TRIM33: variants seen among roughly 807,000 people sequenced by gnomAD.
TRIM33 encodes tripartite motif containing 33.
A neutral mutation model predicts 125.4 loss-of-function variants in TRIM33; 20 were observed. The observed-to-expected ratio is 0.16, with a 90% CI of 0.11 to 0.23. TRIM33 has a LOEUF of 0.23. TRIM33 is among the 10% of genes least tolerant of loss of function. The probability of loss-of-function intolerance (pLI) is 1.00; values close to 1 mark genes in which losing one functional copy is unlikely to be tolerated. For missense variants in TRIM33, 920 were observed against 1,411.4 expected, an observed-to-expected ratio of 0.65 and a Z score of 5.58; for synonymous variants, 564 against 513.9, an observed-to-expected ratio of 1.10 and a Z score of -1.32.
Position 114,510,628 on chromosome 1 carries a change from CAGA to C in TRIM33, c.446_448del (p.Phe149del). 3 of 1,565,630 alleles carry C rather than the reference CAGA, an allele frequency of 1.9e-6. No individual in the cohort carries two copies. The highest frequency in any genetic ancestry group is 1.4e-5 in the African/African-American group (1 of 73,838). On this transcript the variant is annotated inframe_deletion, in exon 1 of 20. Transcript: ENST00000358465. ...CTCCGGCTCGGGCAGGCAGCGCAGG[CAGA>C]AGGAGTGAAGACAGGGCAGCAGCTT...
At chr1:114,457,846 T>C (rs902381213) in intron 4 of TRIM33, among the ~76,000 whole-genome samples, 12 of 152,220 alleles carry the variant, frequency 7.9e-5, no homozygotes, top group African/African-American at 2.9e-4. Flanking sequence ...TTCCCCTATG[T>C]TTGGGTTTTC....
chr1:114,420,264 TC>T, intron 11 of TRIM33: 1 of 484,268 alleles, frequency 2.1e-6, no homozygotes. Flanking sequence ...CTCCATCATT[TC>T]CCCCTCTCAG....
At chr1:114,483,797 A>G (rs923485464) in intron 1 of TRIM33, among the ~76,000 whole-genome samples, 4 of 152,038 alleles carry the variant, frequency 2.6e-5, no homozygotes, top group East Asian at 3.8e-4. Flanking sequence ...AAGAAAAAAC[A>G]TATTTCAAGA....
chr1:114,425,508 T>C lies in TRIM33; in HGVS notation c.1636A>G (p.Thr546Ala), dbSNP rs903112322. 1.2e-6 allele frequency: 2 copies of C among 1,614,190 alleles called. No individual in the cohort carries two copies. The highest frequency in any genetic ancestry group is 1.3e-5 in the African/African-American group (1 of 75,060). The change falls in exon 9 of 20, where the codon ACA becomes GCA. Residue 546 changes from threonine (T) to alanine (A), a missense_variant. This residue lies in a region of TRIM33 where 407 missense variants were observed against 589.7 expected (regional missense o/e 0.69). Coordinates refer to ENST00000358465, the MANE Select transcript of TRIM33 (RefSeq NM_015906.4). ...GGATGCTGTTGTGTTGTTGTTGTTG[T>C]AGTTGGTACAGGTGCTGGTGGTTGC... The part of the protein sequence containing the change: ...MQQPPAPVPT[T>A]TTTTQQHPRQ...
intron 4 of TRIM33, among the ~76,000 whole-genome samples, chr1:114,436,184 C>T (rs959637599): frequency 7.3e-5 from 11 of 151,520 alleles, no homozygotes; most frequent in African/African-American, 1.7e-4. Context: ...AGGTGGATAA[C>T]GAGGTCAGGA....
rs1652380289 is a variant in TRIM33, at chr1:114,496,635, A to G, written c.526+13916T>C. Among the ~76,000 whole-genome samples the G allele has an allele frequency of 3.3e-5, 5 of 152,352 alleles. No homozygotes were observed. The South Asian group carries it at 1.0e-3, about 32-fold the overall frequency. Reference sequence around the variant, plus strand: ...TTTTTATCTACAAATTCAAAATATAATAATTGAGTAATTTTTTTTGTAATA... The same window carrying G: ...TTTTTATCTACAAATTCAAAATATAGTAATTGAGTAATTTTTTTTGTAATA... On this transcript the variant is annotated intron_variant, in intron 1 of 19. Coordinates refer to ENST00000358465, the MANE Select transcript of TRIM33 (RefSeq NM_015906.4).
chr1:114,506,673 T>C (rs1367536991), intron 1 of TRIM33, among the ~76,000 whole-genome samples: 1 of 152,154 alleles, frequency 6.6e-6, no homozygotes, highest in Non-Finnish European at 1.5e-5. Flanking sequence ...AATGTATATA[T>C]ACCCACTACT....
intron 4 of TRIM33, among the ~76,000 whole-genome samples, chr1:114,441,277 C>A: frequency 6.6e-6 from 1 of 152,308 alleles, no homozygotes; most frequent in East Asian, 1.9e-4. Context: ...GCCTTGGTGA[C>A]AGAGTGAGAC....
chr1:114,468,254 C>G (rs1338308190), intron 1 of TRIM33: 2 of 234,942 alleles, frequency 8.5e-6, no homozygotes, highest in Non-Finnish European at 1.7e-5. Flanking sequence ...AGCGCTGCTG[C>G]TGGGGGCTAG....
Position 114,393,729 on chromosome 1 carries a change from ATT to A in TRIM33, c.*3917_*3918del, listed in dbSNP as rs1335889804. 4.7e-6 allele frequency: 1 copy of A among 211,628 alleles called. No homozygotes were observed. Among genetic ancestry groups the A allele is most frequent in the South Asian group, 1.9e-4 (1 of 5,324 alleles). 13.1% of individuals were successfully genotyped at this position (211,628 alleles called of 1,614,324 possible). ...TGTCTATGTAAACTGTGGCATATAAATTTTTTTCCTTAAAAAAGTACCTTCAA... is the reference window on the plus strand; with the variant it reads ...TGTCTATGTAAACTGTGGCATATAAATTTTTCCTTAAAAAAGTACCTTCAA... On this transcript the variant is annotated 3_prime_UTR_variant, in exon 20 of 20. Coordinates refer to ENST00000358465, the MANE Select transcript of TRIM33 (RefSeq NM_015906.4).
chr1:114,397,589 G>GTTTTTTTTTTTTTTTTTTTGTTT lies in TRIM33; in HGVS notation c.*58_*59insAAACAAAAAAAAAAAAAAAAAAA, dbSNP rs66490349. 6.2e-6 allele frequency: 4 copies of GTTTTTTTTTTTTTTTTTTTGTTT among 640,652 alleles called. No individual in the cohort carries two copies. Among genetic ancestry groups the GTTTTTTTTTTTTTTTTTTTGTTT allele is most frequent in the Admixed American group, 6.8e-5 (2 of 29,518 alleles). 39.7% of individuals were successfully genotyped at this position (640,652 alleles called of 1,614,324 possible). On this transcript the variant is annotated 3_prime_UTR_variant, in exon 20 of 20. Coordinates refer to ENST00000358465, the MANE Select transcript of TRIM33 (RefSeq NM_015906.4). ...CTTAAAAGTTTTCTGGGTTTTTTGT[G>GTTTTTTTTTTTTTTTTTTTGTTT]TTTTTTTTTTTTTTTTCGTTTTTTT...
intron 4 of TRIM33, among the ~76,000 whole-genome samples, chr1:114,444,253 A>G (rs1648838929): frequency 6.6e-6 from 1 of 152,174 alleles, no homozygotes. Context: ...AAGAGAAGAT[A>G]TTGAATATGT....
At chr1:114,441,439 G>T (rs139864880) in intron 4 of TRIM33, among the ~76,000 whole-genome samples, 2 of 152,288 alleles carry the variant, frequency 1.3e-5, no homozygotes, top group East Asian at 3.9e-4. Context: ...TAATTAAGGA[G>T]AAAACAAAAA....
intron 11 of TRIM33, among the ~76,000 whole-genome samples, chr1:114,413,230 TA>T (rs1249732190): frequency 1.3e-5 from 2 of 152,054 alleles, no homozygotes; most frequent in Non-Finnish European, 1.5e-5. Context: ...CCATATGGAT[TA>T]AAACACAAGA....
At chr1:114,429,536 A>C (rs1332419484) in intron 6 of TRIM33, among the ~76,000 whole-genome samples, 2 of 151,970 alleles carry the variant, frequency 1.3e-5, no homozygotes, top group Non-Finnish European at 2.9e-5. Flanking sequence ...GGAAAGATGT[A>C]TTCCATTCAG....
At chr1:114,468,186 G>A (rs1008594543) in intron 1 of TRIM33, 2 of 169,458 alleles carry the variant, frequency 1.2e-5, no homozygotes, top group Non-Finnish European at 2.5e-5. Flanking sequence ...CCCACCCTAT[G>A]TGCACACATT....
rs972295609 is a variant in TRIM33, at chr1:114,510,959, C to G, written c.118G>C (p.Ala40Pro). The G allele has an allele frequency of 1.4e-6, 2 of 1,385,832 alleles. No homozygotes were observed. The highest frequency in any genetic ancestry group is 3.0e-5 in the African/African-American group (2 of 66,156). 85.8% of individuals were successfully genotyped at this position (1,385,832 alleles called of 1,614,324 possible). ...AAQEAEPPLT[A>P]VLVEEEEEEG... is the part of the protein sequence containing the mutation. The stretch of plus-strand genomic sequence containing the variant: ...TCCTCCTCCTCCTCCACCAGCACCG[C>G]GGTGAGAGGCGGCTCCGCCTCCTGC... The change falls in exon 1 of 20, where the codon GCG becomes CCG. Residue 40 changes from alanine to proline, a missense_variant. Transcript: ENST00000358465.
In TRIM33 at chr1:114,395,571, T is replaced by G. The variant is rs1651499065; in HGVS notation, c.*2077A>C. 5.0e-6 allele frequency: 1 copy of G among 200,128 alleles called. No homozygotes were observed. The highest frequency in any genetic ancestry group is 1.9e-4 in the South Asian group (1 of 5,258). 12.4% of individuals were successfully genotyped at this position (200,128 alleles called of 1,614,324 possible). A position where few individuals can be genotyped will look rare whatever the true frequency, so the allele number is the denominator to read the frequency against. ...TGCTATTCCTCACTTTCCAAAAATG[T>G]GCCCTTAGATATATGTCTACTTACA... On this transcript the variant is annotated 3_prime_UTR_variant, in exon 20 of 20. Transcript: ENST00000358465.
chr1:114,423,547 A>T (rs1647338361), intron 10 of TRIM33, among the ~76,000 whole-genome samples: 2 of 151,902 alleles, frequency 1.3e-5, no homozygotes, highest in African/African-American at 4.8e-5. Context: ...AATGTGAGCG[A>T]GTATATATTT....
Sources: gnomAD v4.1 joint callset for allele counts (sites outside exome capture counted in the v4.1 genomes callset) on GRCh38, gnomAD v4.1.1 for gene constraint, gnomAD v4.1.1 regional missense constraint, MANE v1.5 for transcripts, NCBI Gene and HGNC (gene_info 2026-07-23, HGNC 2026-07-21) for gene names.